TRHDE: variants seen among roughly 807,000 people sequenced by gnomAD.
The protein encoded by TRHDE is thyrotropin-releasing hormone-degrading ectoenzyme.
TRHDE carries 72 observed loss-of-function variants against 125.7 expected under a neutral mutation model. The ratio of observed to expected loss-of-function variants is 0.57; its 90% CI spans 0.47 to 0.70. The LOEUF (loss-of-function observed/expected upper bound fraction) is 0.70. TRHDE is among the 30% of genes least tolerant of loss of function. The pLI, the probability that TRHDE is intolerant of heterozygous loss-of-function variation, is 0.00. For missense variants in TRHDE, 1,110 were observed against 1,327.1 expected, an observed-to-expected ratio of 0.84 and a Z score of 2.54; for synonymous variants, 509 against 509.1, an observed-to-expected ratio of 1.00 and a Z score of 0.00.
chr12:72,334,349 A>G (rs1036512492), intron 2 of TRHDE, among the ~76,000 whole-genome samples: 9 of 152,188 alleles, frequency 5.9e-5, no homozygotes, highest in African/African-American at 2.2e-4. Context: ...GTATTTTCCA[A>G]ATCAGCTCCT....
intron 6 of TRHDE, among the ~76,000 whole-genome samples, chr12:72,513,187 TATCTC>T (rs1177494989): frequency 6.6e-6 from 1 of 152,170 alleles, no homozygotes. Flanking sequence ...ACCTAAATAT[TATCTC>T]AGTTCATTAT....
intron 2 of TRHDE, among the ~76,000 whole-genome samples, chr12:72,313,580 A>G (rs1415931459): frequency 6.6e-6 from 1 of 152,100 alleles, no homozygotes; most frequent in Non-Finnish European, 1.5e-5. Context: ...CTGTTTTATC[A>G]TGGAAAAAAT....
chr12:72,365,004 G>C (rs970682883), intron 2 of TRHDE, among the ~76,000 whole-genome samples: 2 of 152,040 alleles, frequency 1.3e-5, no homozygotes, highest in African/African-American at 4.8e-5. Flanking sequence ...TTTCACAGAG[G>C]GATTAAATGC....
chr12:72,305,976 G>A (rs893653307), intron 2 of TRHDE, among the ~76,000 whole-genome samples: 3 of 152,118 alleles, frequency 2.0e-5, no homozygotes, highest in African/African-American at 7.2e-5. Flanking sequence ...CACTCCAGTG[G>A]TACAGACAGC....
In TRHDE at chr12:72,640,185, G is replaced by T. The variant is rs573995938; in HGVS notation, c.2676-12137G>T. ...CGTGGGCGTAGGACCCTCCGAGCCAGGTGCGGGACACAATCTCCTGGTGTG... is the reference window on the plus strand; with the variant it reads ...CGTGGGCGTAGGACCCTCCGAGCCATGTGCGGGACACAATCTCCTGGTGTG... On this transcript the variant is annotated intron_variant, in intron 15 of 18. Coordinates refer to ENST00000261180, the MANE Select transcript of TRHDE (RefSeq NM_013381.3). 2.6e-5 allele frequency among the ~76,000 whole-genome samples: 4 copies of T among 152,378 alleles called. No homozygotes were observed. In the East Asian group the frequency reaches 7.7e-4, roughly 29 times the overall value.
intron 2 of TRHDE, among the ~76,000 whole-genome samples, chr12:72,133,497 T>TGGG (rs1875911778): frequency 2.0e-5 from 3 of 152,178 alleles, no homozygotes; most frequent in Non-Finnish European, 2.9e-5. Flanking sequence ...GAAGAAGTCC[T>TGGG]ATTATAAGAT....
At chr12:72,242,203 A>G (rs1322453803) in intron 2 of TRHDE, among the ~76,000 whole-genome samples, 1 of 152,206 alleles carries the variant, frequency 6.6e-6, no homozygotes, top group African/African-American at 2.4e-5. Flanking sequence ...ATCTTTGCAT[A>G]ATCTTGGGTC....
chr12:72,351,095 G>A (rs935755720), intron 2 of TRHDE, among the ~76,000 whole-genome samples: 1 of 151,962 alleles, frequency 6.6e-6, no homozygotes, highest in South Asian at 2.1e-4. Flanking sequence ...AAAATTCTAA[G>A]CTTCTTCGGG....
chr12:72,196,777 G>C (rs926617605), intron 2 of TRHDE, among the ~76,000 whole-genome samples: 2 of 151,976 alleles, frequency 1.3e-5, no homozygotes, highest in African/African-American at 4.8e-5. Context: ...TACCAGTCCA[G>C]ATGCCCTCTT....
chr12:72,139,112 A>G (rs1876055197), intron 2 of TRHDE, among the ~76,000 whole-genome samples: 2 of 152,250 alleles, frequency 1.3e-5, no homozygotes, highest in Non-Finnish European at 2.9e-5. Context: ...GTAATATATT[A>G]GGATTTGGCT....
At chr12:72,598,217 A>G (rs1368799258) in intron 12 of TRHDE, among the ~76,000 whole-genome samples, 1 of 152,150 alleles carries the variant, frequency 6.6e-6, no homozygotes, top group South Asian at 2.1e-4. Context: ...GTTTACATAG[A>G]ATCAGTCACC....
chr12:72,250,168 C>A (rs1878649816), intron 2 of TRHDE, among the ~76,000 whole-genome samples: 2 of 152,122 alleles, frequency 1.3e-5, no homozygotes, highest in Admixed American at 1.3e-4. Flanking sequence ...GCCAAGGGAA[C>A]TTTTTAGGGT....
intron 2 of TRHDE, among the ~76,000 whole-genome samples, chr12:72,329,950 A>G (rs1277318490): frequency 2.0e-5 from 3 of 152,088 alleles, no homozygotes; most frequent in South Asian, 4.2e-4. Flanking sequence ...GAGATGAGGG[A>G]TGAACGTGGG....
intron 1 of TRHDE, among the ~76,000 whole-genome samples, chr12:72,282,557 A>G (rs1879735341): frequency 6.6e-6 from 1 of 152,222 alleles, no homozygotes; most frequent in Non-Finnish European, 1.5e-5. Context: ...TCTCTGTTAG[A>G]AAAAAGAGTA....
intron 3 of TRHDE, among the ~76,000 whole-genome samples, chr12:72,449,076 C>T (rs2135867263): frequency 6.6e-6 from 1 of 152,096 alleles, no homozygotes; most frequent in Admixed American, 6.6e-5. Context: ...GCATCTTATC[C>T]AGCTTCCTCT....
chr12:72,455,778 TTG>T (rs1194421286), intron 3 of TRHDE, among the ~76,000 whole-genome samples: 1 of 152,098 alleles, frequency 6.6e-6, no homozygotes, highest in African/African-American at 2.4e-5. Context: ...AAATGATTTT[TTG>T]AAAGTATTAT....
intron 10 of TRHDE, among the ~76,000 whole-genome samples, chr12:72,569,552 G>C (rs1870621302): frequency 6.6e-6 from 1 of 152,150 alleles, no homozygotes; most frequent in Non-Finnish European, 1.5e-5. Context: ...GCTATTATAA[G>C]GGAGGTTTAC....
At chr12:72,369,825 A>T (rs1016276074) in intron 2 of TRHDE, among the ~76,000 whole-genome samples, 3 of 152,184 alleles carry the variant, frequency 2.0e-5, no homozygotes, top group African/African-American at 7.2e-5. Flanking sequence ...TAAGCAATTT[A>T]CAGTTTCAGA....
chr12:72,305,730 G>A (rs745337057), intron 2 of TRHDE, among the ~76,000 whole-genome samples: 21 of 152,202 alleles, frequency 1.4e-4, no homozygotes, highest in Non-Finnish European at 2.6e-4. Flanking sequence ...CTCATCAGTA[G>A]TGAGATTTTA....
Sources: allele counts gnomAD v4.1 joint callset (sites outside exome capture counted in the v4.1 genomes callset), GRCh38; gene constraint gnomAD v4.1.1; transcripts MANE v1.5; gene names NCBI Gene and HGNC (gene_info 2026-07-23, HGNC 2026-07-21).